Variants in ADGRV1 observed in about 807,000 individuals in gnomAD.
ADGRV1 encodes adhesion G protein-coupled receptor V1.
A neutral mutation model predicts 596.2 loss-of-function variants in ADGRV1; 359 were observed. The ratio of observed to expected loss-of-function variants is 0.60; its 90% CI spans 0.55 to 0.66. The LOEUF is 0.66. Ranked by LOEUF, ADGRV1 falls within the 30% of genes least tolerant of loss-of-function variation. The probability of loss-of-function intolerance (pLI) is 0.00; values close to 1 mark genes in which losing one functional copy is unlikely to be tolerated. For missense variants in ADGRV1, 7,274 were observed against 7,575.6 expected, an observed-to-expected ratio of 0.96 and a Z score of 1.48; for synonymous variants, 2,681 against 2,679.2, an observed-to-expected ratio of 1.00 and a Z score of -0.02.
At position 90,753,550 on chromosome 5, in the gene ADGRV1, C is replaced by A. The variant is rs80057006; in HGVS notation, c.11122-24C>A. Reference sequence around the variant, plus strand: ...ATAGTGACAATTACAAAATAAATAACATCTTCTTTCTTTAAAATTCTAGAT... The same window carrying A: ...ATAGTGACAATTACAAAATAAATAAAATCTTCTTTCTTTAAAATTCTAGAT... On this transcript the variant is annotated intron_variant, in intron 53 of 89. Transcript: ENST00000405460. 7 of 1,533,756 alleles carry A rather than the reference C, an allele frequency of 4.6e-6. No homozygotes were observed. In the African/African-American group the frequency reaches 6.9e-5, roughly 15 times the overall value.
intron 87 of ADGRV1, among the ~76,000 whole-genome samples, chr5:91,105,973 A>ATAAAAG (rs1791833576): frequency 6.6e-6 from 1 of 150,710 alleles, no homozygotes; most frequent in African/African-American, 2.4e-5. Flanking sequence ...TAGCCTGTAA[A>ATAAAAG]ATCTTTTATT....
chr5:90,657,611 CT>C (rs1037410896), intron 20 of ADGRV1, among the ~76,000 whole-genome samples: 10 of 151,910 alleles, frequency 6.6e-5, no homozygotes, highest in African/African-American at 2.4e-4. Flanking sequence ...TGTTCAGATA[CT>C]TTTTTTTCTA....
chr5:90,656,070 C>T (rs1769369602), intron 20 of ADGRV1, among the ~76,000 whole-genome samples: 3 of 152,108 alleles, frequency 2.0e-5, no homozygotes, highest in Admixed American at 2.0e-4. Context: ...ACCACTGTAA[C>T]ATATTGGCAT....
chr5:90,985,772 G>C (rs1416512381), intron 85 of ADGRV1, among the ~76,000 whole-genome samples: 2 of 152,106 alleles, frequency 1.3e-5, no homozygotes, highest in Non-Finnish European at 2.9e-5. Context: ...TTAGCATTTA[G>C]TTTATTAGAT....
chr5:91,012,040 C>T (rs758462072), intron 85 of ADGRV1, among the ~76,000 whole-genome samples: 5 of 151,838 alleles, frequency 3.3e-5, no homozygotes, highest in Non-Finnish European at 7.4e-5. Flanking sequence ...CCTTTTCATT[C>T]CCACTATTAC....
At chr5:90,576,735 C>G (rs1389119149) in intron 1 of ADGRV1, among the ~76,000 whole-genome samples, 3 of 152,172 alleles carry the variant, frequency 2.0e-5, no homozygotes, top group African/African-American at 7.2e-5. Flanking sequence ...CACTGACCAA[C>G]AGTCTGAAAG....
At chr5:90,687,310 G>A (rs1250108422) in intron 29 of ADGRV1, among the ~76,000 whole-genome samples, 1 of 152,172 alleles carries the variant, frequency 6.6e-6, no homozygotes, top group East Asian at 1.9e-4. Context: ...GAATGGTAAT[G>A]CCTAGGCTTT....
In ADGRV1 at chr5:90,747,432, G is replaced by T. The variant is rs1754749883; in HGVS notation, c.10974+1637G>T. Among the ~76,000 whole-genome samples, 3 of 152,140 alleles carry T rather than the reference G, an allele frequency of 2.0e-5. No homozygotes were observed. The South Asian group carries it at 6.2e-4, about 32-fold the overall frequency. ...ATATCCATGGCTATGATTTATTACGGCAAAGAATACAAAATAAAATCATTG... is the reference window on the plus strand; with the variant it reads ...ATATCCATGGCTATGATTTATTACGTCAAAGAATACAAAATAAAATCATTG... On this transcript the variant is annotated intron_variant, in intron 52 of 89. Coordinates refer to ENST00000405460, the MANE Select transcript of ADGRV1 (RefSeq NM_032119.4).
chr5:90,628,938 A>G, intron 8 of ADGRV1, 106 bp downstream of exon 8: 1 of 1,016,922 alleles, frequency 9.8e-7, no homozygotes, highest in African/African-American at 1.6e-5. Context: ...AAGGGACAGG[A>G]AAAACACTGG....
chr5:90,959,562 T>C (rs1359129429), intron 83 of ADGRV1, among the ~76,000 whole-genome samples: 1 of 152,124 alleles, frequency 6.6e-6, no homozygotes, highest in Non-Finnish European at 1.5e-5. Flanking sequence ...TCAAGAAATA[T>C]AGCTACAGTA....
rs1317622937 is a variant in ADGRV1, at chr5:90,635,343, AG to A, written c.2016+54del. ...GGCTAATGAGTATGAAGTAATGTAC[AG>A]ACACTATTTTTAAAATAAGATCAGC... On this transcript the variant is annotated intron_variant, in intron 10 of 89. Transcript: ENST00000405460. 5 of 1,008,068 alleles carry A rather than the reference AG, an allele frequency of 5.0e-6. No homozygotes were observed. The African/African-American group carries it at 1.1e-4, about 23-fold the overall frequency. The allele number at this position is 1,008,068 out of a possible 1,614,324, so 62.4% of individuals were successfully genotyped here. A position where few individuals can be genotyped will look rare whatever the true frequency, so the allele number is the denominator to read the frequency against.
At chr5:90,673,996 T>C in intron 22 of ADGRV1, 58 bp from the exon 23 acceptor site, 1 of 1,257,058 alleles carries the variant, frequency 8.0e-7, no homozygotes, top group South Asian at 1.4e-5. Context: ...AATTTTCTTC[T>C]AGTAAGTAAT....
chr5:90,938,025 C>T (rs1473259886), intron 83 of ADGRV1, among the ~76,000 whole-genome samples: 7 of 151,780 alleles, frequency 4.6e-5, no homozygotes, highest in Admixed American at 3.9e-4. Flanking sequence ...ATTTTTGTTC[C>T]GTTTCTGGTT....
intron 85 of ADGRV1, among the ~76,000 whole-genome samples, chr5:91,033,016 TGTTA>T (rs763808961): frequency 4.6e-5 from 7 of 152,234 alleles, no homozygotes; most frequent in Non-Finnish European, 1.0e-4. Context: ...TCTAGAGCCC[TGTTA>T]GTTAGTGGGT....
intron 83 of ADGRV1, among the ~76,000 whole-genome samples, chr5:90,879,266 T>C (rs1163908278): frequency 1.3e-5 from 2 of 152,110 alleles, no homozygotes; most frequent in Non-Finnish European, 2.9e-5. Flanking sequence ...GCCCTTATAT[T>C]CACAAGAAAA....
chr5:90,620,049 C>T (rs1419542679), intron 4 of ADGRV1, among the ~76,000 whole-genome samples: 4 of 151,676 alleles, frequency 2.6e-5, no homozygotes, highest in Non-Finnish European at 1.5e-5. Context: ...TGAATAGTGC[C>T]GCAATAAAAA....
intron 70 of ADGRV1, chr5:90,792,422 C>G (rs1306039201): frequency 6.6e-6 from 1 of 152,148 alleles, no homozygotes. Flanking sequence ...GTTGTGTACT[C>G]GAGCCTTTTG....
chr5:90,685,987 C>T lies in ADGRV1; in HGVS notation c.6482C>T (p.Ala2161Val), dbSNP rs2149595673. 1 of 1,574,020 alleles carries T rather than the reference C, an allele frequency of 6.4e-7. No homozygotes were observed. The highest frequency in any genetic ancestry group is 8.6e-7 in the Non-Finnish European group (1 of 1,156,168). Residue 2161 changes from alanine (A) to valine (V), a missense_variant, in exon 29 of 90, where the codon GCA becomes GTA. Physicochemically the swap from Ala to Val is moderately conservative, Grantham distance 64. Around this residue, in one of 5 missense-constraint regions of ADGRV1, gnomAD observed 3,643 missense variants for 3,809.2 expected, o/e 0.96. Coordinates refer to ENST00000405460, the MANE Select transcript of ADGRV1 (RefSeq NM_032119.4). The part of the protein sequence containing the change: ...SVKFKAVPIT[A>V]IAGEDYSIAS... ...AAGTTTAAAGCTGTGCCAATAACTG[C>T]AATAGCTGGTAAGAAAAGACATCTA...
At chr5:90,680,267 A>G (rs1207739339) in intron 26 of ADGRV1, among the ~76,000 whole-genome samples, 5 of 152,062 alleles carry the variant, frequency 3.3e-5, no homozygotes, top group Admixed American at 1.3e-4. Flanking sequence ...AGAGCCCAGG[A>G]GGCTCTTGAA....
Sources: gnomAD v4.1 joint callset for allele counts (sites outside exome capture counted in the v4.1 genomes callset) on GRCh38, gnomAD v4.1.1 for gene constraint, gnomAD v4.1.1 regional missense constraint, MANE v1.5 for transcripts, NCBI Gene and HGNC (gene_info 2026-07-23, HGNC 2026-07-21) for gene names.